Variants in UGT2B7 observed in about 807,000 individuals in gnomAD.
The protein encoded by UGT2B7 is UDP glucuronosyltransferase family 2 member B7, also known as UDP-glucuronosyltransferase 2B7.
UGT2B7 carries 51 observed loss-of-function variants against 51.9 expected under a neutral mutation model. The ratio of observed to expected loss-of-function variants is 0.98; its 90% CI spans 0.78 to 1.24. The LOEUF is 1.24. Ranked by LOEUF, UGT2B7 falls within the 50% of genes most tolerant of loss-of-function variation. The probability of loss-of-function intolerance (pLI) is 0.00; values close to 1 mark genes in which losing one functional copy is unlikely to be tolerated. For synonymous variants in UGT2B7, 225 were observed against 211.6 expected (o/e 1.06, Z -0.55); for missense variants, 727 against 628.4 (o/e 1.16, Z -1.68).
At chr4:69,103,687 C>T (rs1220749723) in intron 3 of UGT2B7, among the ~76,000 whole-genome samples, 1 of 152,092 alleles carries the variant, frequency 6.6e-6, no homozygotes, top group African/African-American at 2.4e-5. Flanking sequence ...TCAGCAGTAT[C>T]CAATGAGTGA....
chr4:69,111,727 A>G (rs1719779625), intron 5 of UGT2B7, among the ~76,000 whole-genome samples: 1 of 152,188 alleles, frequency 6.6e-6, no homozygotes, highest in Non-Finnish European at 1.5e-5. Flanking sequence ...TTAAAAACAA[A>G]TTAAAAATGC....
At position 69,106,666 on chromosome 4, in the gene UGT2B7, G is replaced by T. The variant is rs1254366539; in HGVS notation, c.1003-509G>T. On this transcript the variant is annotated intron_variant, in intron 3 of 5. Coordinates refer to ENST00000305231, the MANE Select transcript of UGT2B7 (RefSeq NM_001074.4). ...GGTATTTTTACCTCTAGGTTTTTGA[G>T]GAATCGCCAGTCTTCCACAATGGTT... 9.2e-5 allele frequency among the ~76,000 whole-genome samples: 14 copies of T among 152,064 alleles called. No homozygotes were observed. The South Asian group carries it at 2.5e-3, about 27-fold the overall frequency.
intron 3 of UGT2B7, among the ~76,000 whole-genome samples, chr4:69,106,088 TTAAA>T (rs1389097491): frequency 2.0e-5 from 3 of 152,166 alleles, no homozygotes; most frequent in Non-Finnish European, 4.4e-5. Flanking sequence ...TTTTAAAAAA[TTAAA>T]TTAATTTAAC....
intron 1 of UGT2B7, among the ~76,000 whole-genome samples, chr4:69,071,035 T>C (rs1353258193): frequency 6.6e-6 from 1 of 152,168 alleles, no homozygotes; most frequent in Non-Finnish European, 1.5e-5. Flanking sequence ...AAAGATGTTT[T>C]CCACATGAGG....
chr4:69,089,074 A>G (rs1229033770), intron 1 of UGT2B7, among the ~76,000 whole-genome samples: 1 of 152,146 alleles, frequency 6.6e-6, no homozygotes, highest in Non-Finnish European at 1.5e-5. Flanking sequence ...TTTTGTATTT[A>G]CATAGTTACT....
intron 2 of UGT2B7, among the ~76,000 whole-genome samples, chr4:69,101,833 A>G (rs920042785): frequency 1.3e-5 from 2 of 152,174 alleles, no homozygotes; most frequent in Non-Finnish European, 2.9e-5. Flanking sequence ...AGCCAAGCAC[A>G]TCTTCACTAG....
intron 1 of UGT2B7, among the ~76,000 whole-genome samples, chr4:69,068,227 A>G (rs1718523209): frequency 6.6e-6 from 1 of 152,034 alleles, no homozygotes; most frequent in African/African-American, 2.4e-5. Flanking sequence ...AATGTTCTCC[A>G]GATTTTTACA....
At chr4:69,073,747 GAA>G (rs33927176) in intron 1 of UGT2B7, among the ~76,000 whole-genome samples, 2 of 151,958 alleles carry the variant, frequency 1.3e-5, no homozygotes, top group South Asian at 2.1e-4. Flanking sequence ...GAGAGCTTTG[GAA>G]AAAAAACAGG....
chr4:69,096,434 C>G, upstream of UGT2B7: 2 of 1,586,402 alleles, frequency 1.3e-6, no homozygotes, highest in Non-Finnish European at 1.7e-6. Flanking sequence ...TACATTTTAA[C>G]TTCTTGGCTA....
At chr4:69,093,405 G>A (rs546595272), upstream of UGT2B7, among the ~76,000 whole-genome samples, 28 of 152,242 alleles carry the variant, frequency 1.8e-4, no homozygotes, top group South Asian at 3.9e-3. Flanking sequence ...CTGCTATCAC[G>A]GCTGGTTGAA....
At chr4:69,083,566 A>T (rs1425606832) in intron 1 of UGT2B7, among the ~76,000 whole-genome samples, 1 of 152,046 alleles carries the variant, frequency 6.6e-6, no homozygotes, top group African/African-American at 2.4e-5. Context: ...TTCTTTCATC[A>T]ATGTTTTATC....
intron 2 of UGT2B7, among the ~76,000 whole-genome samples, chr4:69,099,973 C>T (rs899072575): frequency 6.6e-6 from 1 of 152,112 alleles, no homozygotes; most frequent in East Asian, 1.9e-4. Context: ...GGATCTTCAC[C>T]AGTATTGCAG....
rs1445916382 is a variant in UGT2B7, at chr4:69,112,705, C to A, written c.1559C>A (p.Ala520Asp). 1 of 1,613,370 alleles carries A rather than the reference C, an allele frequency of 6.2e-7. No individual in the cohort carries two copies. The highest frequency in any genetic ancestry group is 1.7e-5 in the Admixed American group (1 of 59,954). Residue 520 changes from alanine to aspartate, a missense_variant, in exon 6 of 6, where the codon GCT becomes GAT. Coordinates refer to ENST00000305231, the MANE Select transcript of UGT2B7 (RefSeq NM_001074.4). ...TGTCTGTTTTGTTTCTGGAAGTTTG[C>A]TAGAAAAGCAAAGAAGGGAAAAAAT... Reference protein sequence around the residue: ...KCCLFCFWKFARKAKKGKND With the variant: ...KCCLFCFWKFDRKAKKGKND
chr4:69,064,363 G>T (rs1023017089), intron 1 of UGT2B7, among the ~76,000 whole-genome samples: 1 of 152,168 alleles, frequency 6.6e-6, no homozygotes, highest in Non-Finnish European at 1.5e-5. Flanking sequence ...ATAGATTCTT[G>T]TTCTCTGTAA....
At chr4:69,063,318 C>CAAAAAAAAAA (rs556109411) in intron 1 of UGT2B7, among the ~76,000 whole-genome samples, 1 of 23,848 alleles carries the variant, frequency 4.2e-5, no homozygotes, top group Non-Finnish European at 7.4e-5. Context: ...GACTCCGTCT[C>CAAAAAAAAAA]AAAAAAAAAA....
intron 1 of UGT2B7, among the ~76,000 whole-genome samples, chr4:69,070,858 C>T (rs4694599): frequency 0.46 from 70,270 of 151,776 alleles, 17,951 homozygotes; most frequent in African/African-American, 0.68. Context: ...CTTAGCGTGG[C>T]GTTTAGGCAA....
At chr4:69,076,125 G>T (rs532146561) in intron 1 of UGT2B7, among the ~76,000 whole-genome samples, 1 of 152,090 alleles carries the variant, frequency 6.6e-6, no homozygotes, top group Admixed American at 6.6e-5. Context: ...TTTTTTATGT[G>T]TGCATAGTAT....
chr4:69,064,052 G>T (rs1315655223), intron 1 of UGT2B7, among the ~76,000 whole-genome samples: 1 of 93,352 alleles, frequency 1.1e-5, no homozygotes, highest in East Asian at 3.1e-4. Flanking sequence ...AAGAAAGAAA[G>T]AAAGAAAGAA....
intron 1 of UGT2B7, among the ~76,000 whole-genome samples, chr4:69,055,098 T>TAAAAAAAAAAAAAAAAAAAAAA (rs1178892377): frequency 2.0e-3 from 45 of 22,556 alleles, no homozygotes; most frequent in Non-Finnish European, 2.3e-3. Flanking sequence ...AAGTAATAGC[T>TAAAAAAAAAAAAAAAAAAAAAA]AAAAAAAAAA....
Sources: allele counts gnomAD v4.1 joint callset (sites outside exome capture counted in the v4.1 genomes callset), GRCh38; gene constraint gnomAD v4.1.1; transcripts MANE v1.5; gene names NCBI Gene and HGNC (gene_info 2026-07-23, HGNC 2026-07-21).